Variants in SHC3 observed in about 807,000 individuals in gnomAD.
SHC3 encodes SHC-transforming protein 3.
Under a neutral mutation model 60.4 loss-of-function variants are expected in SHC3, and 15 were observed. The observed-to-expected ratio is 0.25, with a 90% CI of 0.17 to 0.38. SHC3 has a LOEUF of 0.38. SHC3 is among the 10% of genes least tolerant of loss of function. The probability of loss-of-function intolerance (pLI) is 1.00; values close to 1 mark genes in which losing one functional copy is unlikely to be tolerated. For synonymous variants in SHC3, 294 were observed against 325.9 expected, an observed-to-expected ratio of 0.90 and a Z score of 1.05; for missense variants, 677 against 786.1, an observed-to-expected ratio of 0.86 and a Z score of 1.66.
chr9:89,122,829 C>A (rs1435298936), intron 1 of SHC3, among the ~76,000 whole-genome samples: 1 of 152,110 alleles, frequency 6.6e-6, no homozygotes, highest in Non-Finnish European at 1.5e-5. Context: ...GGAAGGAGGT[C>A]TTTTACCTCT....
At chr9:89,162,406 T>C (rs1001777707) in intron 1 of SHC3, among the ~76,000 whole-genome samples, 6 of 151,688 alleles carry the variant, frequency 4.0e-5, no homozygotes, top group Non-Finnish European at 7.4e-5. Context: ...TATAGATCAA[T>C]GGAACAGAAC....
At chr9:89,058,673 GTGTAGGATGTGA>G (rs1824999643) in intron 6 of SHC3, among the ~76,000 whole-genome samples, 1 of 148,900 alleles carries the variant, frequency 6.7e-6, no homozygotes, top group African/African-American at 2.5e-5. Flanking sequence ...GAGGATGGTG[GTGTAGGATGTGA>G]TGGAGGGCGG....
At chr9:89,067,520 G>T (rs1825203084) in intron 5 of SHC3, among the ~76,000 whole-genome samples, 1 of 152,144 alleles carries the variant, frequency 6.6e-6, no homozygotes, top group Non-Finnish European at 1.5e-5. Flanking sequence ...ATGATTGCTA[G>T]GTTTTCAAAG....
At chr9:89,110,732 A>T (rs1825935304) in intron 2 of SHC3, among the ~76,000 whole-genome samples, 2 of 152,212 alleles carry the variant, frequency 1.3e-5, no homozygotes, top group Non-Finnish European at 2.9e-5. Flanking sequence ...CAATTCTGGC[A>T]CAATTAGAAT....
chr9:89,065,430 T>G, intron 6 of SHC3, 99 bp downstream of exon 6: 4 of 1,250,230 alleles, frequency 3.2e-6, no homozygotes, highest in Non-Finnish European at 4.7e-6. Context: ...GCACTACTCA[T>G]TTGTTGGGAG....
chr9:89,034,952 G>T (rs968667605), intron 11 of SHC3, among the ~76,000 whole-genome samples: 5 of 152,146 alleles, frequency 3.3e-5, no homozygotes, highest in East Asian at 1.9e-4. Flanking sequence ...TAGGCTCCTA[G>T]ATCGATTGTA....
At chr9:89,061,840 A>G (rs1379262900) in intron 6 of SHC3, among the ~76,000 whole-genome samples, 1 of 152,190 alleles carries the variant, frequency 6.6e-6, no homozygotes, top group South Asian at 2.1e-4. Context: ...CATATGCTAC[A>G]TGCCTGGCAC....
intron 1 of SHC3, among the ~76,000 whole-genome samples, chr9:89,158,553 A>G (rs991362679): frequency 1.3e-5 from 2 of 152,134 alleles, no homozygotes; most frequent in Non-Finnish European, 2.9e-5. Flanking sequence ...TATTTTGTTC[A>G]GCTTTTGTCC....
chr9:89,029,836 A>G (rs980366558), intron 11 of SHC3, among the ~76,000 whole-genome samples: 2 of 152,352 alleles, frequency 1.3e-5, no homozygotes, highest in Admixed American at 6.5e-5. Context: ...GTACATATGT[A>G]ATGCAATGTT....
chr9:89,047,205 T>A (rs1455541006), intron 7 of SHC3, among the ~76,000 whole-genome samples: 2 of 152,244 alleles, frequency 1.3e-5, no homozygotes, highest in Admixed American at 6.5e-5. Context: ...AACATTTCAA[T>A]CATGTTTGAA....
chr9:89,059,753 A>AT (rs1825044712), intron 6 of SHC3, among the ~76,000 whole-genome samples: 1 of 43,578 alleles, frequency 2.3e-5, no homozygotes, highest in Non-Finnish European at 4.3e-5. Flanking sequence ...GTGGTGGAGG[A>AT]TGGTGGTGGA....
chr9:89,146,467 G>T (rs1826471517), intron 1 of SHC3, among the ~76,000 whole-genome samples: 1 of 151,746 alleles, frequency 6.6e-6, no homozygotes, highest in Non-Finnish European at 1.5e-5. Context: ...CCAAGAAAAA[G>T]AAATGGAAAG....
chr9:89,155,671 T>C (rs1460816202), intron 1 of SHC3, among the ~76,000 whole-genome samples: 1 of 152,162 alleles, frequency 6.6e-6, no homozygotes, highest in Non-Finnish European at 1.5e-5. Flanking sequence ...CCCCTGAACA[T>C]GGAGTTGGCA....
chr9:89,080,668 C>T (rs1433617501), intron 2 of SHC3, among the ~76,000 whole-genome samples: 1 of 150,496 alleles, frequency 6.6e-6, no homozygotes, highest in African/African-American at 2.5e-5. Flanking sequence ...AAATAAATTA[C>T]AGATGGGTCA....
chr9:89,062,753 A>T (rs963325054), intron 6 of SHC3, among the ~76,000 whole-genome samples: 2 of 152,336 alleles, frequency 1.3e-5, no homozygotes, highest in African/African-American at 4.8e-5. Context: ...AAGAGCCCAA[A>T]TAAGAACATT....
intron 1 of SHC3, among the ~76,000 whole-genome samples, chr9:89,130,035 C>A (rs1296149309): frequency 6.6e-6 from 1 of 152,062 alleles, no homozygotes; most frequent in Non-Finnish European, 1.5e-5. Flanking sequence ...GAGACACACA[C>A]ACACTCAAAA....
chr9:89,061,630 G>A (rs1275637536), intron 6 of SHC3, among the ~76,000 whole-genome samples: 1 of 152,202 alleles, frequency 6.6e-6, no homozygotes, highest in African/African-American at 2.4e-5. Context: ...CGGTTTATCC[G>A]AAGTTTGTGC....
intron 1 of SHC3, among the ~76,000 whole-genome samples, chr9:89,166,193 C>G (rs1261115463): frequency 1.3e-5 from 2 of 152,148 alleles, no homozygotes; most frequent in African/African-American, 4.8e-5. Context: ...GGCTCCATTT[C>G]AGTATCATCT....
intron 1 of SHC3, among the ~76,000 whole-genome samples, chr9:89,155,159 C>T (rs1564185257): frequency 6.6e-6 from 1 of 152,202 alleles, no homozygotes. Flanking sequence ...GCCGGTGCCA[C>T]CAGCCAGGTT....
Sources: gnomAD v4.1 joint callset for allele counts (sites outside exome capture counted in the v4.1 genomes callset) on GRCh38, gnomAD v4.1.1 for gene constraint, MANE v1.5 for transcripts, NCBI Gene and HGNC (gene_info 2026-07-23, HGNC 2026-07-21) for gene names.